The following RFTN1 variants were observed in gnomAD, a reference collection of about 807,000 sequenced individuals.
RFTN1 encodes raftlin, lipid raft linker 1.
RFTN1 carries 26 observed loss-of-function variants against 46.5 expected under a neutral mutation model. The ratio of observed to expected loss-of-function variants is 0.56; its 90% CI spans 0.41 to 0.78. RFTN1 has a LOEUF of 0.78. Among genes scored for constraint, RFTN1 ranks in the 30% least tolerant of loss-of-function variants. RFTN1 has a pLI of 0.00. For synonymous variants in RFTN1, 261 were observed against 284.2 expected (o/e 0.92, Z 0.82); for missense variants, 693 against 718.7 (o/e 0.96, Z 0.41).
rs988356606 is a variant in RFTN1, at chr3:16,334,682, G to A, written c.1147-7806C>T. Reference sequence around the variant, plus strand: ...AGGAACCTATGGAAATGTCCAGGAGGCAACTAAATGAAACAGCCTGTGGTA... The same window carrying A: ...AGGAACCTATGGAAATGTCCAGGAGACAACTAAATGAAACAGCCTGTGGTA... On this transcript the variant is annotated intron_variant, in intron 7 of 9. Transcript: ENST00000334133. This position sits in a 1 kb window ranked among gnomAD's most constrained non-coding sequence, Gnocchi z 4.3. Among the ~76,000 whole-genome samples the A allele has an allele frequency of 6.6e-6, 1 of 152,132 alleles. No homozygotes were observed. Among genetic ancestry groups the A allele is most frequent in the Non-Finnish European group, 1.5e-5 (1 of 68,016 alleles).
chr3:16,373,045 G>T (rs1411852324), intron 5 of RFTN1, among the ~76,000 whole-genome samples: 1 of 152,146 alleles, frequency 6.6e-6, no homozygotes, highest in Non-Finnish European at 1.5e-5. Context: ...TTAATATTCT[G>T]ATTCTCCAAC....
At chr3:16,438,475 C>G (rs2075557825) in intron 2 of RFTN1, among the ~76,000 whole-genome samples, 1 of 149,198 alleles carries the variant, frequency 6.7e-6, no homozygotes, top group Admixed American at 6.8e-5. Context: ...GTCCCAGCTA[C>G]TCAGGGGGCT....
rs574441694 is a variant in RFTN1 at position 16,481,166 on chromosome 3, A to C, written c.145+12559T>G. Among the ~76,000 whole-genome samples, 1 of 152,334 alleles carries C rather than the reference A, an allele frequency of 6.6e-6. No homozygotes were observed. Among genetic ancestry groups the C allele is most frequent in the East Asian group, 1.9e-4 (1 of 5,190 alleles). On this transcript the variant is annotated intron_variant, in intron 2 of 9. Coordinates refer to ENST00000334133, the MANE Select transcript of RFTN1 (RefSeq NM_015150.2). The surrounding 1 kb of genome is among the most constrained non-coding windows in gnomAD (Gnocchi z 5.1). ...TGTAAAGAATGCCTTCCTTCCTTTT[A>C]AATCTAATCTTATTACTCCCATTAG... is the stretch of plus-strand genomic sequence containing the variant.
Position 16,509,996 on chromosome 3 carries a change from C to T in RFTN1, c.-9+3446G>A, listed in dbSNP as rs1391396767. Among the ~76,000 whole-genome samples, 1 of 152,174 alleles carries T rather than the reference C, an allele frequency of 6.6e-6. No individual in the cohort carries two copies. Among genetic ancestry groups the T allele is most frequent in the Non-Finnish European group, 1.5e-5 (1 of 68,034 alleles). ...CACTCAGACAGAAAAGTTCACTTCC[C>T]GTTTCCTAGATCAGCCAAGGCAAGC... On this transcript the variant is annotated intron_variant, in intron 1 of 9. Transcript: ENST00000334133. This position sits in a 1 kb window ranked among gnomAD's most constrained non-coding sequence, Gnocchi z 4.9.
intron 2 of RFTN1, among the ~76,000 whole-genome samples, chr3:16,461,941 T>C (rs536263550): frequency 2.0e-5 from 3 of 152,350 alleles, no homozygotes; most frequent in Admixed American, 6.5e-5. Flanking sequence ...GAGGTTTTCT[T>C]TTCTGACAAA....
rs1575274812 is a variant in RFTN1 at position 16,427,462 on chromosome 3, G to A, written c.332+6389C>T. ...TAAAACAGCAAAAGCCAAAAGAATC[G>A]TTTCTCTTGCATCACTTGACCCTGG... is the stretch of plus-strand genomic sequence containing the variant. On this transcript the variant is annotated intron_variant, in intron 3 of 9. Transcript: ENST00000334133. This position sits in a 1 kb window ranked among gnomAD's most constrained non-coding sequence, Gnocchi z 5.4. 6.6e-6 allele frequency among the ~76,000 whole-genome samples: 1 copy of A among 152,194 alleles called. No individual in the cohort carries two copies. The highest frequency in any genetic ancestry group is 1.5e-5 in the Non-Finnish European group (1 of 68,036).
rs1329124874 is a variant in RFTN1 at position 16,474,105 on chromosome 3, C to A, written c.145+19620G>T. Among the ~76,000 whole-genome samples the A allele has an allele frequency of 1.3e-5, 2 of 152,206 alleles. No homozygotes were observed. Among genetic ancestry groups the A allele is most frequent in the African/African-American group, 4.8e-5 (2 of 41,450 alleles). ...GAGGAAATCTTGCACTTACATTTGACTCTTCTTTGCATTTGGTATAAAAAT... is the reference window on the plus strand; with the variant it reads ...GAGGAAATCTTGCACTTACATTTGAATCTTCTTTGCATTTGGTATAAAAAT... On this transcript the variant is annotated intron_variant, in intron 2 of 9. Coordinates refer to ENST00000334133, the MANE Select transcript of RFTN1 (RefSeq NM_015150.2). This position sits in a 1 kb window ranked among gnomAD's most constrained non-coding sequence, Gnocchi z 5.5.
chr3:16,420,876 G>A (rs568085486), intron 3 of RFTN1, among the ~76,000 whole-genome samples: 7 of 152,154 alleles, frequency 4.6e-5, no homozygotes, highest in South Asian at 2.1e-4. Flanking sequence ...ACTCTGATTC[G>A]ACAGGTCTGG....
At position 16,481,434 on chromosome 3, in the gene RFTN1, T is replaced by G. The variant is rs2076365968; in HGVS notation, c.145+12291A>C. Among the ~76,000 whole-genome samples, 1 of 152,236 alleles carries G rather than the reference T, an allele frequency of 6.6e-6. No homozygotes were observed. The highest frequency in any genetic ancestry group is 1.5e-5 in the Non-Finnish European group (1 of 68,034). On this transcript the variant is annotated intron_variant, in intron 2 of 9. Coordinates refer to ENST00000334133, the MANE Select transcript of RFTN1 (RefSeq NM_015150.2). The surrounding 1 kb of genome is among the most constrained non-coding windows in gnomAD (Gnocchi z 5.1). The stretch of plus-strand genomic sequence containing the variant: ...GCATCTTCTGTTTAAAAACATGGTC[T>G]GTTTTTAACACACCTCCCAGCCAGA...
intron 2 of RFTN1, among the ~76,000 whole-genome samples, chr3:16,455,381 T>G (rs1468386398): frequency 1.3e-5 from 2 of 152,104 alleles, no homozygotes; most frequent in Non-Finnish European, 2.9e-5. Flanking sequence ...GTAGCCAGGA[T>G]TTTTCAAATC....
chr3:16,329,638 C>T lies in RFTN1; in HGVS notation c.1147-2762G>A, dbSNP rs1050264680. ...TGAAGGAGTCCTGAGGCTGCTTTAT[C>T]CTGAGAATCCCTGCCCCCATCCCCG... On this transcript the variant is annotated intron_variant, in intron 7 of 9. Coordinates refer to ENST00000334133, the MANE Select transcript of RFTN1 (RefSeq NM_015150.2). This position sits in a 1 kb window ranked among gnomAD's most constrained non-coding sequence, Gnocchi z 4.5. Among the ~76,000 whole-genome samples the T allele has an allele frequency of 6.6e-6, 1 of 152,170 alleles. No individual in the cohort carries two copies. The highest frequency in any genetic ancestry group is 1.5e-5 in the Non-Finnish European group (1 of 68,020).
rs2075649406 is a variant in RFTN1 at position 16,442,599 on chromosome 3, T to C, written c.146-8562A>G. Among the ~76,000 whole-genome samples, 1 of 152,172 alleles carries C rather than the reference T, an allele frequency of 6.6e-6. No individual in the cohort carries two copies. On this transcript the variant is annotated intron_variant, in intron 2 of 9. Transcript: ENST00000334133. This position sits in a 1 kb window ranked among gnomAD's most constrained non-coding sequence, Gnocchi z 4.1. ...CTTTTTTGTGCGTGGTAAGAGTACC[T>C]AAAATCTATTCCCTGAGCAGATCTC...
intron 4 of RFTN1, among the ~76,000 whole-genome samples, chr3:16,394,227 A>G (rs1203885672): frequency 1.3e-5 from 2 of 152,158 alleles, no homozygotes; most frequent in African/African-American, 4.8e-5. Context: ...TCTTAAAAAA[A>G]TTAGCTGGGT....
At chr3:16,324,615 C>CCCCA (rs1553718068) in intron 8 of RFTN1, among the ~76,000 whole-genome samples, 1 of 141,286 alleles carries the variant, frequency 7.1e-6, no homozygotes, top group African/African-American at 2.7e-5. Context: ...TGTCCCTGAC[C>CCCCA]CCCCCCCTTT....
intron 3 of RFTN1, among the ~76,000 whole-genome samples, chr3:16,432,421 G>A (rs1409084208): frequency 6.6e-6 from 1 of 152,194 alleles, no homozygotes; most frequent in East Asian, 1.9e-4. Context: ...GGGAGGCTGA[G>A]GTGGGAGGAT....
At chr3:16,470,961 C>G (rs1226759344) in intron 2 of RFTN1, among the ~76,000 whole-genome samples, 1 of 152,154 alleles carries the variant, frequency 6.6e-6, no homozygotes, top group South Asian at 2.1e-4. Flanking sequence ...TCTGTCCAAC[C>G]TACCTCACAG....
rs2075315400 is a variant in RFTN1, at chr3:16,427,935, T to C, written c.332+5916A>G. On this transcript the variant is annotated intron_variant, in intron 3 of 9. Coordinates refer to ENST00000334133, the MANE Select transcript of RFTN1 (RefSeq NM_015150.2). This position sits in a 1 kb window ranked among gnomAD's most constrained non-coding sequence, Gnocchi z 5.4. ...ATGACAGCCGCAGAGCCTCCTCTTC[T>C]AAAGCACTCTCATTAACAAATTCCA... is the stretch of plus-strand genomic sequence containing the variant. Among the ~76,000 whole-genome samples, 1 of 152,120 alleles carries C rather than the reference T, an allele frequency of 6.6e-6. No individual in the cohort carries two copies. The highest frequency in any genetic ancestry group is 1.5e-5 in the Non-Finnish European group (1 of 68,018).
At chr3:16,510,469 A>C (rs2076879124) in intron 1 of RFTN1, among the ~76,000 whole-genome samples, 1 of 152,184 alleles carries the variant, frequency 6.6e-6, no homozygotes, top group African/African-American at 2.4e-5. Flanking sequence ...TATTCATCTG[A>C]TCGTCTGCAA....
intron 2 of RFTN1, chr3:16,482,941 G>T: frequency 1.0e-6 from 1 of 962,482 alleles, no homozygotes; most frequent in Non-Finnish European, 1.5e-6. Context: ...CTGACCCTGG[G>T]GCCTCTTGCA....
Sources: allele counts gnomAD v4.1 joint callset (sites outside exome capture counted in the v4.1 genomes callset), GRCh38; gene constraint gnomAD v4.1.1; non-coding constraint Gnocchi (gnomAD v3.1); transcripts MANE v1.5; gene names NCBI Gene and HGNC (gene_info 2026-07-23, HGNC 2026-07-21).